Variants in BTAF1 observed in about 807,000 individuals in gnomAD.
BTAF1 encodes TATA-binding protein-associated factor 172.
A neutral mutation model predicts 227.1 loss-of-function variants in BTAF1; 38 were observed. The observed-to-expected ratio is 0.17, with a 90% CI of 0.13 to 0.22. The LOEUF (loss-of-function observed/expected upper bound fraction) is 0.22, where lower values mean the gene tolerates loss of function less well. Ranked by LOEUF, BTAF1 falls within the 10% of genes least tolerant of loss-of-function variation. The probability of loss-of-function intolerance (pLI) is 1.00; values close to 1 mark genes in which losing one functional copy is unlikely to be tolerated. For synonymous variants in BTAF1, 742 were observed against 751.9 expected, an observed-to-expected ratio of 0.99 and a Z score of 0.21; for missense variants, 1,598 against 2,204.0, an observed-to-expected ratio of 0.73 and a Z score of 5.51.
At position 91,995,687 on chromosome 10, in the gene BTAF1, G is replaced by A. The variant is rs1157478754; in HGVS notation, c.3310-682G>A. Among the ~76,000 whole-genome samples, 6 of 150,652 alleles carry A rather than the reference G, an allele frequency of 4.0e-5. No individual in the cohort carries two copies. The South Asian group carries it at 6.3e-4, about 16-fold the overall frequency. On this transcript the variant is annotated intron_variant, in intron 23 of 37. Transcript: ENST00000265990. Reference sequence around the variant, plus strand: ...CGAGACTCAGTCTCAAAAAAAAAAAGAAGGAAAAAAAAAAGTAGAGTCCAT... The same window carrying A: ...CGAGACTCAGTCTCAAAAAAAAAAAAAAGGAAAAAAAAAAGTAGAGTCCAT...
At chr10:92,007,397 T>A (rs907674464) in intron 25 of BTAF1, among the ~76,000 whole-genome samples, 5 of 151,774 alleles carry the variant, frequency 3.3e-5, no homozygotes, top group Admixed American at 1.3e-4. Context: ...GTATTTTTAG[T>A]AGAGAGACAG....
rs1310571009 is a variant in BTAF1 at position 92,026,648 on chromosome 10, T to A, written c.5132T>A (p.Leu1711Gln). The change falls in exon 36 of 38, where the codon CTG becomes CAG. Residue 1711 changes from leucine to glutamine, a missense_variant. By Grantham distance (113) the Leu-to-Gln change is moderately radical. Around this residue, in one of 10 missense-constraint regions of BTAF1, gnomAD observed 205 missense variants for 244.5 expected, o/e 0.84. Transcript: ENST00000265990. ...TTACTTACCACTCACGTTGGTGGCC[T>A]GGGACTTAATTTGACAGGCGCTGAC... The part of the protein sequence containing the change: ...VLLLTTHVGG[L>Q]GLNLTGADTV... The A allele has an allele frequency of 9.9e-6, 16 of 1,613,868 alleles. No homozygotes were observed. Among genetic ancestry groups the A allele is most frequent in the Non-Finnish European group, 1.4e-5 (16 of 1,179,932 alleles).
At chr10:91,957,321 C>T (rs768713769) in intron 8 of BTAF1, 28 bp downstream of exon 8, 3 of 1,565,516 alleles carry the variant, frequency 1.9e-6, no homozygotes, top group South Asian at 2.3e-5. Context: ...CAGTTTTTCT[C>T]AGCTCTATTT....
intron 25 of BTAF1, among the ~76,000 whole-genome samples, chr10:91,999,089 T>C (rs574879559): frequency 8.5e-5 from 13 of 152,058 alleles, no homozygotes; most frequent in African/African-American, 9.6e-5. Context: ...AATTAAGTTA[T>C]TATGAATAAT....
At chr10:92,004,913 A>G (rs772389308) in intron 25 of BTAF1, among the ~76,000 whole-genome samples, 1 of 152,038 alleles carries the variant, frequency 6.6e-6, no homozygotes, top group Non-Finnish European at 1.5e-5. Context: ...TCGTGACCTG[A>G]GTTTTGAACT....
At chr10:91,954,765 C>T (rs1845984835) in intron 6 of BTAF1, among the ~76,000 whole-genome samples, 1 of 152,064 alleles carries the variant, frequency 6.6e-6, no homozygotes, top group Admixed American at 6.5e-5. Flanking sequence ...CCTATGTTGC[C>T]TAGGCTGGTC....
chr10:91,995,818 G>A (rs1217880454), intron 23 of BTAF1, among the ~76,000 whole-genome samples: 3 of 152,202 alleles, frequency 2.0e-5, no homozygotes, highest in African/African-American at 2.4e-5. Flanking sequence ...TAATTCTGGT[G>A]TTCCTTGTAG....
At chr10:91,969,611 G>A (rs1033990798) in intron 14 of BTAF1, among the ~76,000 whole-genome samples, 5 of 152,042 alleles carry the variant, frequency 3.3e-5, no homozygotes, top group Non-Finnish European at 2.9e-5. Flanking sequence ...TGTTAGTCTT[G>A]TAATACCTCC....
Position 92,023,221 on chromosome 10 carries a change from A to G in BTAF1, c.4864-1535A>G, listed in dbSNP as rs113602146. ...CCTAAAATCCAGGTTCCAAATTTCA[A>G]CCTTACGAAGAGGACTTTCTGAGGA... is the stretch of plus-strand genomic sequence containing the variant. On this transcript the variant is annotated intron_variant, in intron 34 of 37. Coordinates refer to ENST00000265990, the MANE Select transcript of BTAF1 (RefSeq NM_003972.3). Among the ~76,000 whole-genome samples the G allele has an allele frequency of 1.0e-2, 1,521 of 152,270 alleles. 26 individuals carry two copies. Among genetic ancestry groups the G allele is most frequent in the African/African-American group, 0.035 (1,443 of 41,558 alleles).
Position 91,966,774 on chromosome 10 carries a change from A to G in BTAF1, c.1650+17A>G. 2 of 1,603,202 alleles carry G rather than the reference A, an allele frequency of 1.2e-6. No homozygotes were observed. The highest frequency in any genetic ancestry group is 1.3e-5 in the African/African-American group (1 of 74,630). ...CAGGACCAGGTAAGAACTGATAACT[A>G]TAGCAGTCTTGAAACTTATATAAAT... On this transcript the variant is annotated intron_variant, in intron 14 of 37. Coordinates refer to ENST00000265990, the MANE Select transcript of BTAF1 (RefSeq NM_003972.3).
At chr10:92,010,968 G>A (rs1295442358) in intron 28 of BTAF1, 105 bp from the exon 29 acceptor site, 2 of 811,030 alleles carry the variant, frequency 2.5e-6, no homozygotes, top group African/African-American at 1.7e-5. Flanking sequence ...AAGCAGAAGG[G>A]AATGCTGGGC....
intron 3 of BTAF1, 137 bp from the exon 4 acceptor site, chr10:91,942,285 T>TAA (rs67087052): frequency 4.3e-3 from 2,545 of 595,126 alleles, no homozygotes; most frequent in South Asian, 0.011. Context: ...CCTCACTTCT[T>TAA]AAAAAAAAAA....
In BTAF1 at chr10:92,013,818, A is replaced by G; in HGVS notation, c.4453+10A>G. The G allele has an allele frequency of 1.9e-6, 3 of 1,613,934 alleles. No individual in the cohort carries two copies. The highest frequency in any genetic ancestry group is 2.5e-6 in the Non-Finnish European group (3 of 1,179,966). On this transcript the variant is annotated intron_variant, in intron 31 of 37. Coordinates refer to ENST00000265990, the MANE Select transcript of BTAF1 (RefSeq NM_003972.3). ...CGAGAGCAAGAAGCAGGTATGAAAG[A>G]GATATAATTATAACCCTGTGTAAGT...
Position 91,989,144 on chromosome 10 carries a change from T to G in BTAF1, c.2428-10T>G, listed in dbSNP as rs1848589263. On this transcript the variant is annotated splice_polypyrimidine_tract_variant and intron_variant, in intron 19 of 37. Coordinates refer to ENST00000265990, the MANE Select transcript of BTAF1 (RefSeq NM_003972.3). ...GATTAATGATTTTTAATTTCTTTTT[T>G]TTTTAATAGGTCACTACTGTTTTTA... The G allele has an allele frequency of 1.3e-6, 2 of 1,586,204 alleles. No individual in the cohort carries two copies.
At chr10:92,012,644 G>A (rs903770117) in intron 30 of BTAF1, among the ~76,000 whole-genome samples, 1 of 150,998 alleles carries the variant, frequency 6.6e-6, no homozygotes, top group Non-Finnish European at 1.5e-5. Context: ...GGTGACGCAC[G>A]CCTGTACTCC....
chr10:92,002,363 C>T (rs1333382057), intron 25 of BTAF1, among the ~76,000 whole-genome samples: 1 of 152,146 alleles, frequency 6.6e-6, no homozygotes, highest in African/African-American at 2.4e-5. Flanking sequence ...CTCTAATTCC[C>T]TGCACTGTTA....
At chr10:91,995,697 A>T (rs113176043) in intron 23 of BTAF1, among the ~76,000 whole-genome samples, 1 of 152,282 alleles carries the variant, frequency 6.6e-6, no homozygotes, top group African/African-American at 2.4e-5. Flanking sequence ...GAAGGAAAAA[A>T]AAAAGTAGAG....
At chr10:92,025,097 A>T in intron 35 of BTAF1, 130 bp downstream of exon 35, 1 of 738,562 alleles carries the variant, frequency 1.4e-6, no homozygotes, top group African/African-American at 1.8e-5. Flanking sequence ...TTCACCCCAA[A>T]TAAACCCCTT....
chr10:91,976,991 T>G (rs575697180), intron 14 of BTAF1, among the ~76,000 whole-genome samples: 1 of 152,056 alleles, frequency 6.6e-6, no homozygotes, highest in African/African-American at 2.4e-5. Context: ...AGGCATCATG[T>G]TAGAAGTGAA....
Sources: allele counts gnomAD v4.1 joint callset (sites outside exome capture counted in the v4.1 genomes callset), GRCh38; gene constraint gnomAD v4.1.1; regional missense constraint gnomAD v4.1.1; transcripts MANE v1.5; gene names NCBI Gene and HGNC (gene_info 2026-07-23, HGNC 2026-07-21).